Variants in ASIC2 observed in about 807,000 individuals in gnomAD.
The protein encoded by ASIC2 is acid-sensing ion channel 2.
ASIC2 carries 25 observed loss-of-function variants against 57.3 expected under a neutral mutation model. The ratio of observed to expected loss-of-function variants is 0.44; its 90% CI spans 0.32 to 0.61. The LOEUF (loss-of-function observed/expected upper bound fraction) is 0.61. Among genes scored for constraint, ASIC2 ranks in the 20% least tolerant of loss-of-function variants. The pLI, the probability that ASIC2 is intolerant of heterozygous loss-of-function variation, is 0.06. For missense variants in ASIC2, 641 were observed against 738.1 expected (o/e 0.87, Z 1.52); for synonymous variants, 319 against 307.5 (o/e 1.04, Z -0.39).
intron 1 of ASIC2, among the ~76,000 whole-genome samples, chr17:33,160,206 T>C: frequency 7.7e-6 from 1 of 129,674 alleles, no homozygotes. Flanking sequence ...GAGACCCTGT[T>C]AAAAAAAAAA....
At chr17:33,694,967 C>T (rs1037731994) in intron 1 of ASIC2, among the ~76,000 whole-genome samples, 3 of 152,122 alleles carry the variant, frequency 2.0e-5, no homozygotes, top group African/African-American at 4.8e-5. Flanking sequence ...CTACTACTGA[C>T]GGATGTGTCA....
chr17:33,501,856 G>A (rs1036824974), intron 1 of ASIC2, among the ~76,000 whole-genome samples: 3 of 152,222 alleles, frequency 2.0e-5, no homozygotes, highest in Admixed American at 2.0e-4. Flanking sequence ...GTATAGTTGT[G>A]GCATTGTGGA....
intron 1 of ASIC2, among the ~76,000 whole-genome samples, chr17:33,867,723 T>C (rs1222390455): frequency 6.6e-6 from 1 of 152,238 alleles, no homozygotes; most frequent in Non-Finnish European, 1.5e-5. Context: ...TGGTTTCAGC[T>C]GCTCTGGCAA....
chr17:33,366,128 C>T (rs1908800467), intron 1 of ASIC2, among the ~76,000 whole-genome samples: 1 of 152,228 alleles, frequency 6.6e-6, no homozygotes, highest in Admixed American at 6.5e-5. Context: ...TGAGTGGGGA[C>T]AAAAGGCCAG....
At chr17:34,039,616 T>A in intron 1 of ASIC2, 1 of 1,613,644 alleles carries the variant, frequency 6.2e-7, no homozygotes, top group Non-Finnish European at 8.5e-7. Context: ...CTCAAAGTAA[T>A]CACTAATTTT....
chr17:33,578,990 G>T (rs774732618), intron 1 of ASIC2, among the ~76,000 whole-genome samples: 1 of 152,076 alleles, frequency 6.6e-6, no homozygotes. Context: ...AGCGGTTATA[G>T]AATGCAGGTT....
chr17:33,550,597 C>T (rs4461124), intron 1 of ASIC2, among the ~76,000 whole-genome samples: 69,730 of 152,082 alleles, frequency 0.46, 16,142 homozygotes, highest in South Asian at 0.53. Context: ...TTGGTCCTGT[C>T]TATATCACCT....
At chr17:33,555,406 T>TG (rs1339622039) in intron 1 of ASIC2, among the ~76,000 whole-genome samples, 1 of 118,680 alleles carries the variant, frequency 8.4e-6, no homozygotes, top group African/African-American at 4.0e-5. Context: ...AACACATTCT[T>TG]GGGGGTGCAA....
intron 1 of ASIC2, among the ~76,000 whole-genome samples, chr17:33,316,586 C>G (rs943362050): frequency 6.6e-6 from 1 of 152,164 alleles, no homozygotes; most frequent in African/African-American, 2.4e-5. Flanking sequence ...CCACGCCTGG[C>G]CATCTTCATG....
At chr17:34,085,850 T>C (rs1022669829) in intron 1 of ASIC2, among the ~76,000 whole-genome samples, 3 of 152,026 alleles carry the variant, frequency 2.0e-5, no homozygotes, top group East Asian at 1.9e-4. Context: ...TATTCTCTGA[T>C]GGTAGTTTGT....
chr17:33,664,837 C>A (rs188291064), intron 1 of ASIC2, among the ~76,000 whole-genome samples: 1 of 152,222 alleles, frequency 6.6e-6, no homozygotes, highest in Non-Finnish European at 1.5e-5. Context: ...CGCAAGAAAC[C>A]GTGAGCTGAA....
At position 33,457,644 on chromosome 17, in the gene ASIC2, C is replaced by A. The variant is rs78946603; in HGVS notation, c.556-345577G>T. Among the ~76,000 whole-genome samples the A allele has an allele frequency of 9.5e-3, 1,452 of 152,222 alleles. 7 individuals carry two copies. Among genetic ancestry groups the A allele is most frequent in the African/African-American group, 0.011 (440 of 41,542 alleles). Reference sequence around the variant, plus strand: ...ACTAATGATGCTGCTGCTGCTGCTGCTGATGATGATGATGGCAATGGTGGT... The same window carrying A: ...ACTAATGATGCTGCTGCTGCTGCTGATGATGATGATGATGGCAATGGTGGT... On this transcript the variant is annotated intron_variant, in intron 1 of 9. Coordinates refer to the ASIC2 transcript ENST00000359872.
Position 34,155,879 on chromosome 17 carries a change from T to C in ASIC2, c.555+99A>G, listed in dbSNP as rs372915756. ...TCAGGTGAGGCACTGCTCTCTCTCC[T>C]GTCCCAAAGCACAAGGAAACCCCAA... is the stretch of plus-strand genomic sequence containing the variant. On this transcript the variant is annotated intron_variant, in intron 1 of 9. Coordinates refer to the ASIC2 transcript ENST00000359872. 8.4e-5 allele frequency: 117 copies of C among 1,386,682 alleles called. No homozygotes were observed. The African/African-American group carries it at 1.2e-3, about 15-fold the overall frequency. 85.9% of individuals were successfully genotyped at this position (1,386,682 alleles called of 1,614,324 possible).
intron 1 of ASIC2, among the ~76,000 whole-genome samples, chr17:33,388,822 G>T (rs948370137): frequency 2.0e-5 from 3 of 152,242 alleles, no homozygotes; most frequent in African/African-American, 7.2e-5. Context: ...GTCCAAGGCA[G>T]TGTGGCTGCA....
At chr17:33,164,081 C>A (rs113193792) in intron 1 of ASIC2, among the ~76,000 whole-genome samples, 8,836 of 152,262 alleles carry the variant, frequency 0.058, 531 homozygotes, top group African/African-American at 0.16. Context: ...ACATGTCCTG[C>A]CATAAAGCCC....
chr17:33,201,469 C>CCA (rs1243098701), intron 1 of ASIC2, among the ~76,000 whole-genome samples: 1 of 152,164 alleles, frequency 6.6e-6, no homozygotes, highest in Non-Finnish European at 1.5e-5. Context: ...TGAGACGTGC[C>CCA]CACCAATGCC....
intron 3 of ASIC2, among the ~76,000 whole-genome samples, chr17:33,057,774 T>C (rs533676719): frequency 1.3e-5 from 2 of 152,300 alleles, no homozygotes; most frequent in East Asian, 3.9e-4. Flanking sequence ...GAGCTATGGC[T>C]GAGATCCTCA....
At chr17:33,847,530 T>C (rs1014951496) in intron 1 of ASIC2, among the ~76,000 whole-genome samples, 2 of 152,162 alleles carry the variant, frequency 1.3e-5, no homozygotes, top group Non-Finnish European at 2.9e-5. Flanking sequence ...GGAATAAGGC[T>C]GACCCTGCTC....
At chr17:33,209,825 C>T (rs9898508) in intron 1 of ASIC2, among the ~76,000 whole-genome samples, 43,439 of 152,174 alleles carry the variant, frequency 0.29, 6,540 homozygotes, top group Middle Eastern at 0.43. Flanking sequence ...CCTGACCTCA[C>T]CAGCTGCTCA....
Sources: gnomAD v4.1 joint callset for allele counts (sites outside exome capture counted in the v4.1 genomes callset) on GRCh38, gnomAD v4.1.1 for gene constraint, MANE v1.5 for transcripts, NCBI Gene and HGNC (gene_info 2026-07-23, HGNC 2026-07-21) for gene names.